Variants in TDRD5 observed in about 807,000 individuals in gnomAD.
TDRD5 encodes tudor domain-containing protein 5.
Under a neutral mutation model 120.6 loss-of-function variants are expected in TDRD5, and 41 were observed. That is an observed-to-expected ratio of 0.34 (90% CI 0.26 to 0.44). TDRD5 has a LOEUF of 0.44. Ranked by LOEUF, TDRD5 falls within the 20% of genes least tolerant of loss-of-function variation. The pLI, the probability that TDRD5 is intolerant of heterozygous loss-of-function variation, is 1.00. For synonymous variants in TDRD5, 430 were observed against 433.7 expected (o/e 0.99, Z 0.11); for missense variants, 1,006 against 1,221.2 (o/e 0.82, Z 2.63).
chr1:179,633,091 A>G (rs1677550784), intron 7 of TDRD5, among the ~76,000 whole-genome samples: 1 of 152,220 alleles, frequency 6.6e-6, no homozygotes, highest in African/African-American at 2.4e-5. Context: ...ACCACTGTGG[A>G]CATCTGTATT....
chr1:179,612,955 A>AGAGTACCCC (rs1408420576), intron 4 of TDRD5, among the ~76,000 whole-genome samples: 2 of 150,286 alleles, frequency 1.3e-5, no homozygotes, highest in Non-Finnish European at 3.0e-5. Context: ...AAAAAAAAAA[A>AGAGTACCCC]AGAGTACCCC....
At chr1:179,688,220 G>T (rs1680856485) in intron 17 of TDRD5, among the ~76,000 whole-genome samples, 1 of 152,188 alleles carries the variant, frequency 6.6e-6, no homozygotes, top group African/African-American at 2.4e-5. Context: ...TCCTTCAGGA[G>T]CTGTTGTAAA....
intron 6 of TDRD5, among the ~76,000 whole-genome samples, chr1:179,628,907 G>C (rs1677284467): frequency 6.8e-6 from 1 of 146,544 alleles, no homozygotes; most frequent in Non-Finnish European, 1.5e-5. Context: ...TGATTGCTAG[G>C]TGACTGAGGA....
chr1:179,680,564 T>C (rs779175531), intron 17 of TDRD5, among the ~76,000 whole-genome samples: 2 of 152,114 alleles, frequency 1.3e-5, no homozygotes, highest in Non-Finnish European at 1.5e-5. Flanking sequence ...TTGAAATCTA[T>C]TTAGTTGATA....
chr1:179,599,687 T>C (rs1174676895), intron 4 of TDRD5, among the ~76,000 whole-genome samples: 1 of 152,160 alleles, frequency 6.6e-6, no homozygotes, highest in Non-Finnish European at 1.5e-5. Flanking sequence ...GCTCTTTATC[T>C]GTCTCTATCT....
intron 14 of TDRD5, among the ~76,000 whole-genome samples, chr1:179,660,561 T>C (rs1178951644): frequency 6.6e-6 from 1 of 152,196 alleles, no homozygotes; most frequent in Non-Finnish European, 1.5e-5. Flanking sequence ...TTCTTGACTT[T>C]TACAATGTAC....
Position 179,654,342 on chromosome 1 carries a change from G to T in TDRD5, c.2302G>T (p.Asp768Tyr). Reference sequence around the variant, plus strand: ...AAAGTGGTCCAACCCAGAACCAAACGATCTGAAGGAAGAAAATGAGGTAGG... The same window carrying T: ...AAAGTGGTCCAACCCAGAACCAAACTATCTGAAGGAAGAAAATGAGGTAGG... ...DPKWSNPEPN[D>Y]LKEENEDEIP... Residue 768 changes from aspartate to tyrosine, a missense_variant, in exon 14 of 18, where the codon GAT (aspartate) becomes TAT (tyrosine). Physicochemically the swap from Asp to Tyr is radical, Grantham distance 160. Transcript: ENST00000444136. 6.5e-7 allele frequency: 1 copy of T among 1,532,542 alleles called. No homozygotes were observed. Among genetic ancestry groups the T allele is most frequent in the South Asian group, 1.2e-5 (1 of 80,416 alleles). 94.9% of individuals were successfully genotyped at this position (1,532,542 alleles called of 1,614,324 possible).
chr1:179,677,039 A>AT (rs200827646), intron 17 of TDRD5, among the ~76,000 whole-genome samples: 3,214 of 152,102 alleles, frequency 0.021, 60 homozygotes, highest in East Asian at 0.1. Flanking sequence ...GGCGTTGTTC[A>AT]TTTTTTTAAA....
chr1:179,668,407 A>C (rs569490609), intron 16 of TDRD5, among the ~76,000 whole-genome samples: 1 of 152,322 alleles, frequency 6.6e-6, no homozygotes, highest in Non-Finnish European at 1.5e-5. Context: ...TTAAGTTCAA[A>C]TCTGCACCCT....
At chr1:179,601,899 G>A (rs1169858844) in intron 4 of TDRD5, among the ~76,000 whole-genome samples, 1 of 152,192 alleles carries the variant, frequency 6.6e-6, no homozygotes, top group Non-Finnish European at 1.5e-5. Flanking sequence ...TCCATCTCCT[G>A]GGTTCAAGCA....
At chr1:179,664,200 T>C (rs1249853276) in intron 16 of TDRD5, among the ~76,000 whole-genome samples, 4 of 152,188 alleles carry the variant, frequency 2.6e-5, no homozygotes, top group Non-Finnish European at 5.9e-5. Flanking sequence ...CTGTATTTCA[T>C]AGAATGGTCT....
In TDRD5 at chr1:179,595,552, CTGTA is replaced by C. The variant is rs1197655871; in HGVS notation, c.641-71_641-68del. Reference sequence around the variant, plus strand: ...GAAGGCAGTTAGCTCACAGTAGCCTCTGTATGTAGCCACCGGAAAATGAAATAGA... The same window carrying C: ...GAAGGCAGTTAGCTCACAGTAGCCTCTGTAGCCACCGGAAAATGAAATAGA... On this transcript the variant is annotated intron_variant, in intron 3 of 17. Coordinates refer to ENST00000444136, the MANE Select transcript of TDRD5 (RefSeq NM_001199085.3). 7 of 1,328,564 alleles carry C rather than the reference CTGTA, an allele frequency of 5.3e-6. No homozygotes were observed. In the African/African-American group the frequency reaches 1.0e-4, roughly 20 times the overall value. The allele number at this position is 1,328,564 out of a possible 1,614,324, so 82.3% of individuals were successfully genotyped here. A position where few individuals can be genotyped will look rare whatever the true frequency, so the allele number is the denominator to read the frequency against.
intron 2 of TDRD5, 134 bp from the exon 3 acceptor site, chr1:179,593,326 A>G (rs908674047): frequency 8.5e-5 from 85 of 1,000,002 alleles, no homozygotes; most frequent in South Asian, 6.0e-4. Flanking sequence ...TCGAGGAACC[A>G]AGAGTTACTG....
chr1:179,597,727 A>G (rs762294940), intron 4 of TDRD5, among the ~76,000 whole-genome samples: 3 of 152,072 alleles, frequency 2.0e-5, no homozygotes, highest in South Asian at 2.1e-4. Context: ...TTCAGTTCTT[A>G]TATTTAGGTA....
intron 17 of TDRD5, among the ~76,000 whole-genome samples, chr1:179,689,185 T>C (rs1230583889): frequency 1.3e-5 from 2 of 152,222 alleles, no homozygotes; most frequent in Non-Finnish European, 2.9e-5. Flanking sequence ...TTTGTAGTTT[T>C]ATCTACCTTT....
At chr1:179,598,564 C>T (rs1675531348) in intron 4 of TDRD5, among the ~76,000 whole-genome samples, 1 of 152,150 alleles carries the variant, frequency 6.6e-6, no homozygotes, top group East Asian at 1.9e-4. Flanking sequence ...GTTTTCAATG[C>T]ATAAAGCTTG....
At chr1:179,682,509 T>C (rs1680478281) in intron 17 of TDRD5, among the ~76,000 whole-genome samples, 1 of 152,186 alleles carries the variant, frequency 6.6e-6, no homozygotes. Flanking sequence ...TTTCTGTTCC[T>C]GTGTTAGCTG....
At chr1:179,673,327 A>G (rs1679954640) in intron 17 of TDRD5, among the ~76,000 whole-genome samples, 1 of 152,084 alleles carries the variant, frequency 6.6e-6, no homozygotes, top group Non-Finnish European at 1.5e-5. Flanking sequence ...GGTTAGCTAT[A>G]TTCCTAAGTA....
chr1:179,630,468 AAC>A (rs1489841367), intron 6 of TDRD5, among the ~76,000 whole-genome samples: 2 of 150,434 alleles, frequency 1.3e-5, no homozygotes, highest in East Asian at 3.8e-4. Context: ...TGTTTTTTTA[AAC>A]ACTTTTGCTT....
Sources: allele counts gnomAD v4.1 joint callset (sites outside exome capture counted in the v4.1 genomes callset), GRCh38; gene constraint gnomAD v4.1.1; transcripts MANE v1.5; gene names NCBI Gene and HGNC (gene_info 2026-07-23, HGNC 2026-07-21).